Variants in CIMIP5 observed in about 807,000 individuals in gnomAD.
CIMIP5 encodes ciliary microtubule inner protein 5.
chr2:11,141,243 C>T, the CIMIP5 span, among the ~76,000 whole-genome samples: 1 of 151,708 alleles, frequency 6.6e-6, no homozygotes, highest in South Asian at 2.1e-4. Flanking sequence ...ATTCTCCTGC[C>T]TCAGCCTCCT....
chr2:11,133,488 C>T, the CIMIP5 span: 67 of 1,608,624 alleles, frequency 4.2e-5, no homozygotes, highest in Non-Finnish European at 5.6e-5. Flanking sequence ...CCCCCAGGCT[C>T]TGAAGGCGCA....
the CIMIP5 span, among the ~76,000 whole-genome samples, chr2:11,135,803 A>C: frequency 6.6e-6 from 1 of 151,860 alleles, no homozygotes; most frequent in African/African-American, 2.4e-5. Context: ...TCAGCCTCCC[A>C]AAGTGCTGGG....
the CIMIP5 span, among the ~76,000 whole-genome samples, chr2:11,138,845 G>T: frequency 1.3e-5 from 2 of 152,136 alleles, no homozygotes. Context: ...CTAAGCAGAT[G>T]CCAGCATCCT....
the CIMIP5 span, chr2:11,140,380 A>T: frequency 1.9e-6 from 1 of 528,716 alleles, no homozygotes; most frequent in East Asian, 3.8e-5. Context: ...GTCTTAAAAA[A>T]AAAAAAAAAA....
the CIMIP5 span, among the ~76,000 whole-genome samples, chr2:11,142,713 A>ATTTTTT: frequency 7.7e-5 from 8 of 104,142 alleles, no homozygotes; most frequent in African/African-American, 2.3e-4. Flanking sequence ...CACTTGTCAG[A>ATTTTTT]TTTTTTTTTT....
chr2:11,151,269 G>A, the CIMIP5 span, among the ~76,000 whole-genome samples: 1 of 152,324 alleles, frequency 6.6e-6, no homozygotes, highest in African/African-American at 2.4e-5. Context: ...GCCACCTTGG[G>A]GACGTGTCGT....
chr2:11,147,717 T>A, the CIMIP5 span, among the ~76,000 whole-genome samples: 4 of 152,232 alleles, frequency 2.6e-5, no homozygotes, highest in African/African-American at 7.2e-5. Flanking sequence ...CTTTCTGTAC[T>A]CTGCAATGAC....
At chr2:11,152,589 T>C in the CIMIP5 span, among the ~76,000 whole-genome samples, 4 of 152,174 alleles carry the variant, frequency 2.6e-5, no homozygotes, top group African/African-American at 9.7e-5. Flanking sequence ...GTTAGGGTCC[T>C]GTAACAGATT....
the CIMIP5 span, among the ~76,000 whole-genome samples, chr2:11,142,112 A>G: frequency 3.5e-3 from 531 of 152,164 alleles, 3 homozygotes; most frequent in African/African-American, 0.012. Flanking sequence ...CTAAAAATAC[A>G]AAAATTAGCC....
chr2:11,140,086 C>CAAAAAAAAAAAAAAAAAAAAA, the CIMIP5 span, among the ~76,000 whole-genome samples: 3 of 84,798 alleles, frequency 3.5e-5, 1 homozygote, highest in African/African-American at 1.1e-4. Context: ...GACTCCCTCT[C>CAAAAAAAAAAAAAAAAAAAAA]AAAAAAAAAA....
chr2:11,148,345 G>A, the CIMIP5 span, among the ~76,000 whole-genome samples: 29 of 152,134 alleles, frequency 1.9e-4, no homozygotes, highest in African/African-American at 6.3e-4. Flanking sequence ...TCAAACTCCC[G>A]ACCTCAGGTG....
chr2:11,143,518 T>C, the CIMIP5 span, among the ~76,000 whole-genome samples: 2 of 149,464 alleles, frequency 1.3e-5, no homozygotes, highest in Non-Finnish European at 3.0e-5. Flanking sequence ...TGGACAGTGA[T>C]GGCTTGTGCG....
the CIMIP5 span, among the ~76,000 whole-genome samples, chr2:11,147,569 T>C: frequency 7.2e-5 from 11 of 152,166 alleles, no homozygotes; most frequent in Non-Finnish European, 1.3e-4. Flanking sequence ...TCAGGTTAGG[T>C]TCAAGTTTTT....
At chr2:11,139,419 T>C in the CIMIP5 span, among the ~76,000 whole-genome samples, 20 of 152,348 alleles carry the variant, frequency 1.3e-4, no homozygotes, top group Admixed American at 1.1e-3. Context: ...GTTTTTATTA[T>C]GTTTTGTAGA....
chr2:11,142,761 C>G, the CIMIP5 span, among the ~76,000 whole-genome samples: 30 of 147,118 alleles, frequency 2.0e-4, no homozygotes, highest in African/African-American at 7.6e-4. Context: ...ACTCTGTTGC[C>G]CAGGCTGGAG....
chr2:11,146,127 C>T, the CIMIP5 span: 1 of 152,216 alleles, frequency 6.6e-6, no homozygotes, highest in Non-Finnish European at 1.5e-5. Context: ...GAAATGACTG[C>T]TCTGTCTTTG....
chr2:11,140,269 G>C, the CIMIP5 span, among the ~76,000 whole-genome samples: 1 of 151,640 alleles, frequency 6.6e-6, no homozygotes, highest in African/African-American at 2.4e-5. Context: ...CAGCTACTCG[G>C]GAGGCTGAGG....
chr2:11,140,139 G>A, the CIMIP5 span, among the ~76,000 whole-genome samples: 1 of 144,588 alleles, frequency 6.9e-6, no homozygotes, highest in Non-Finnish European at 1.5e-5. Flanking sequence ...TGTAATCCCA[G>A]CACTTTGGGA....
At chr2:11,147,009 C>T in the CIMIP5 span, among the ~76,000 whole-genome samples, 1 of 152,172 alleles carries the variant, frequency 6.6e-6, no homozygotes, top group Non-Finnish European at 1.5e-5. Context: ...CAGGCCTGTG[C>T]AGAGGGGAGA....
Sources: allele counts gnomAD v4.1 joint callset (sites outside exome capture counted in the v4.1 genomes callset), GRCh38; gene constraint gnomAD v4.1.1; transcripts MANE v1.5; gene names NCBI Gene and HGNC (gene_info 2026-07-23, HGNC 2026-07-21).